CFAP57: variants seen among roughly 807,000 people sequenced by gnomAD.
CFAP57 encodes cilia and flagella associated protein 57, also known as cilia- and flagella-associated protein 57.
A neutral mutation model predicts 146.8 loss-of-function variants in CFAP57; 116 were observed. The observed-to-expected ratio is 0.79, with a 90% CI of 0.68 to 0.92. CFAP57 has a LOEUF of 0.92. CFAP57 is among the 40% of genes least tolerant of loss of function. CFAP57 has a pLI of 0.00. For synonymous variants in CFAP57, 518 were observed against 552.8 expected (o/e 0.94, Z 0.88); for missense variants, 1,377 against 1,527.2 (o/e 0.90, Z 1.64).
Position 43,239,163 on chromosome 1 carries a change from A to G in CFAP57, c.3406-4064A>G, listed in dbSNP as rs575701038. Among the ~76,000 whole-genome samples, 428 of 152,170 alleles carry G rather than the reference A, an allele frequency of 2.8e-3. 1 individual carries two copies. Among genetic ancestry groups the G allele is most frequent in the African/African-American group, 1.0e-2 (415 of 41,522 alleles). On this transcript the variant is annotated intron_variant, in intron 21 of 22. Coordinates refer to ENST00000372492, the MANE Select transcript of CFAP57 (RefSeq NM_001378189.1). ...GCAGTGGAGCCAAGCGGGACCTCCC[A>G]TGCCTGGCACAGTGACCAGTATAAG...
At position 43,198,547 on chromosome 1, in the gene CFAP57, C is replaced by T. The variant is rs603123; in HGVS notation, c.1329C>T (p.His443=). The T allele has an allele frequency of 0.27, 441,207 of 1,613,696 alleles. 62,656 individuals carry two copies. Among genetic ancestry groups the T allele is most frequent in the Middle Eastern group, 0.3 (1,830 of 6,060 alleles). The change falls in exon 8 of 23, where the codon CAC becomes CAT. Residue 443 remains histidine (H), a synonymous_variant. Transcript: ENST00000372492. ...CCATCAGCCTTCATCCATCTGGACACTTCATTGTAGTAGGGTTTGCTGACA... is the reference window on the plus strand; with the variant it reads ...CCATCAGCCTTCATCCATCTGGACATTTCATTGTAGTAGGGTTTGCTGACA... ...AYSISLHPSG[H]FIVVGFADKL... is the part of the protein sequence containing the mutation.
chr1:43,187,616 A>G (rs76030750), intron 6 of CFAP57, among the ~76,000 whole-genome samples: 6 of 151,354 alleles, frequency 4.0e-5, no homozygotes, highest in Non-Finnish European at 8.8e-5. Flanking sequence ...AAAAAAAAAA[A>G]GCGCATACCC....
intron 16 of CFAP57, 110 bp from the exon 17 acceptor site, chr1:43,223,936 A>T: frequency 8.0e-7 from 1 of 1,248,768 alleles, no homozygotes; most frequent in Non-Finnish European, 1.1e-6. Context: ...AAGTGTTTTC[A>T]GTCCACAGAA....
Position 43,172,399 on chromosome 1 carries a change from A to T in CFAP57, c.-74A>T. 1 of 1,551,390 alleles carries T rather than the reference A, an allele frequency of 6.4e-7. No individual in the cohort carries two copies. The highest frequency in any genetic ancestry group is 8.7e-7 in the Non-Finnish European group (1 of 1,146,932). Reference sequence around the variant, plus strand: ...AGTGTCCGGGTTGCTTAGGATCCCTACAGGTAGCGCCTCTGGATACATGCG... The same window carrying T: ...AGTGTCCGGGTTGCTTAGGATCCCTTCAGGTAGCGCCTCTGGATACATGCG... On this transcript the variant is annotated 5_prime_UTR_variant, in exon 1 of 23. Transcript: ENST00000372492.
At position 43,191,011 on chromosome 1, in the gene CFAP57, A is replaced by G. The variant is rs190304269; in HGVS notation, c.1122+4152A>G. 5.9e-5 allele frequency among the ~76,000 whole-genome samples: 9 copies of G among 152,182 alleles called. No individual in the cohort carries two copies. The South Asian group carries it at 6.2e-4, about 11-fold the overall frequency. Reference sequence around the variant, plus strand: ...GTTGGGAAGTGTTCCAGCCTCTTCTAATTTTTTGAAGGTTTGTGAAGAATT... The same window carrying G: ...GTTGGGAAGTGTTCCAGCCTCTTCTGATTTTTTGAAGGTTTGTGAAGAATT... On this transcript the variant is annotated intron_variant, in intron 6 of 22. Transcript: ENST00000372492.
chr1:43,177,009 A>G (rs1465232591), intron 2 of CFAP57: 1 of 388,432 alleles, frequency 2.6e-6, no homozygotes, highest in Non-Finnish European at 5.1e-6. Flanking sequence ...CAAAGAAAGA[A>G]TGGGGAGCAA....
intron 6 of CFAP57, among the ~76,000 whole-genome samples, chr1:43,197,181 C>T (rs370292026): frequency 1.3e-5 from 2 of 151,866 alleles, no homozygotes; most frequent in African/African-American, 2.4e-5. Flanking sequence ...AGTGAAACCG[C>T]GTCTCTACTA....
chr1:43,193,126 T>G (rs1395024120), intron 6 of CFAP57, among the ~76,000 whole-genome samples: 1 of 152,160 alleles, frequency 6.6e-6, no homozygotes, highest in Non-Finnish European at 1.5e-5. Flanking sequence ...TGTCTCTATT[T>G]CTAGTAACAT....
chr1:43,210,138 A>G, intron 11 of CFAP57: 1 of 1,602,452 alleles, frequency 6.2e-7, no homozygotes, highest in South Asian at 1.1e-5. Flanking sequence ...CTAAAAATGT[A>G]TGTACAACGT....
At chr1:43,214,601 G>A (rs1343767943) in intron 11 of CFAP57, among the ~76,000 whole-genome samples, 3 of 152,180 alleles carry the variant, frequency 2.0e-5, no homozygotes, top group African/African-American at 7.2e-5. Flanking sequence ...CTTTTGTGTG[G>A]AAATAAGTTT....
chr1:43,228,209 C>T (rs1323918833), intron 18 of CFAP57, among the ~76,000 whole-genome samples: 4 of 152,226 alleles, frequency 2.6e-5, no homozygotes, highest in Admixed American at 2.6e-4. Flanking sequence ...ACAGCTCCCC[C>T]TCCCTGCTCC....
chr1:43,183,817 T>A lies in CFAP57; in HGVS notation c.701T>A (p.Ile234Lys). The stretch of plus-strand genomic sequence containing the variant: ...GGAGATCAGCGTTGGGAGACCAGCA[T>A]AATGGTCAAGGAACCTACCAATGGC... The part of the protein sequence containing the change: ...ESGDQRWETS[I>K]MVKEPTNGSK... The change falls in exon 4 of 23, where the codon ATA becomes AAA. Residue 234 changes from isoleucine to lysine, a missense_variant. Physicochemically the swap from Ile to Lys is moderately radical, Grantham distance 102. Coordinates refer to ENST00000372492, the MANE Select transcript of CFAP57 (RefSeq NM_001378189.1). 6.2e-7 allele frequency: 1 copy of A among 1,614,072 alleles called. No homozygotes were observed. Among genetic ancestry groups the A allele is most frequent in the East Asian group, 2.2e-5 (1 of 44,890 alleles).
intron 16 of CFAP57, among the ~76,000 whole-genome samples, 173 bp from the exon 17 acceptor site, chr1:43,223,873 C>T (rs370673843): frequency 3.9e-5 from 6 of 152,166 alleles, no homozygotes; most frequent in Admixed American, 6.5e-5. Context: ...ATTCCTGAAC[C>T]GTCCCAAATG....
At chr1:43,195,062 A>T (rs1569973820) in intron 6 of CFAP57, 1 of 152,238 alleles carries the variant, frequency 6.6e-6, no homozygotes, top group African/African-American at 2.4e-5. Flanking sequence ...ATTTCTGAGG[A>T]CAGGGGAAAA....
intron 11 of CFAP57, chr1:43,210,228 C>T: frequency 1.3e-6 from 2 of 1,498,566 alleles, no homozygotes; most frequent in African/African-American, 2.8e-5. Flanking sequence ...CACTTGACCA[C>T]AGCTGCCTCC....
At chr1:43,210,549 T>C (rs1436261373) in intron 11 of CFAP57, 3 of 471,654 alleles carry the variant, frequency 6.4e-6, no homozygotes, top group African/African-American at 6.3e-5. Context: ...GAGGATGTTA[T>C]GCTAAATTAA....
intron 22 of CFAP57, among the ~76,000 whole-genome samples, chr1:43,253,197 G>A (rs966367204): frequency 6.6e-6 from 1 of 152,196 alleles, no homozygotes; most frequent in Non-Finnish European, 1.5e-5. Context: ...CCAGAAAAGG[G>A]AGTAAATCTA....
intron 11 of CFAP57, 130 bp from the exon 12 acceptor site, chr1:43,215,125 G>A (rs1265689669): frequency 2.0e-6 from 2 of 1,012,240 alleles, no homozygotes; most frequent in Non-Finnish European, 3.0e-6. Context: ...ATTCTTACCT[G>A]GGATCAAGTT....
At chr1:43,172,654 G>T (rs1645018423) in intron 1 of CFAP57, 81 bp from the exon 2 acceptor site, 3 of 1,402,368 alleles carry the variant, frequency 2.1e-6, no homozygotes, top group Middle Eastern at 2.5e-4. Flanking sequence ...GCAAAGGGCG[G>T]GGAGGGCGAG....
Sources: gnomAD v4.1 joint callset for allele counts (sites outside exome capture counted in the v4.1 genomes callset) on GRCh38, gnomAD v4.1.1 for gene constraint, MANE v1.5 for transcripts, NCBI Gene and HGNC (gene_info 2026-07-23, HGNC 2026-07-21) for gene names.